Variants in MCC observed in about 807,000 individuals in gnomAD.
The protein encoded by MCC is MCC regulator of Wnt signaling pathway.
A neutral mutation model predicts 116.2 loss-of-function variants in MCC; 90 were observed. The ratio of observed to expected loss-of-function variants is 0.77; its 90% confidence interval spans 0.65 to 0.92. The LOEUF is 0.92. MCC is among the 40% of genes least tolerant of loss of function. MCC has a pLI of 0.00. For synonymous variants in MCC, 578 were observed against 510.5 expected (o/e 1.13, Z -1.78); for missense variants, 1,516 against 1,312.2 (o/e 1.16, Z -2.40).
intron 11 of MCC, among the ~76,000 whole-genome samples, chr5:113,077,967 G>A (rs906490899): frequency 6.6e-6 from 1 of 152,090 alleles, no homozygotes; most frequent in African/African-American, 2.4e-5. Context: ...AAATAATAAA[G>A]GGGATATCAC....
chr5:113,440,560 G>T (rs1036976282), intron 1 of MCC, among the ~76,000 whole-genome samples: 9 of 150,206 alleles, frequency 6.0e-5, no homozygotes, highest in Non-Finnish European at 1.3e-4. Flanking sequence ...TTAAAGAAAA[G>T]AAAAAAATAA....
chr5:113,256,126 AGGT>A (rs1419323521), intron 3 of MCC, among the ~76,000 whole-genome samples: 9 of 152,222 alleles, frequency 5.9e-5, no homozygotes, highest in Non-Finnish European at 1.2e-4. Context: ...TCCAAATGGA[AGGT>A]TCTAATTCAG....
chr5:113,132,443 TACACACACACACACACACACAC>T (rs140363649), intron 5 of MCC, among the ~76,000 whole-genome samples: 36 of 36,540 alleles, frequency 9.9e-4, no homozygotes, highest in East Asian at 3.0e-3. Flanking sequence ...TATATATATA[TACACACACACACACACACACAC>T]ACACACACAC....
chr5:113,057,628 G>A (rs751614065), intron 14 of MCC, among the ~76,000 whole-genome samples: 2 of 152,220 alleles, frequency 1.3e-5, no homozygotes, highest in African/African-American at 2.4e-5. Context: ...GGGCACTGAG[G>A]ACCCCGGCTG....
intron 5 of MCC, among the ~76,000 whole-genome samples, chr5:113,136,393 G>C (rs1428003657): frequency 6.6e-6 from 1 of 152,182 alleles, no homozygotes; most frequent in Non-Finnish European, 1.5e-5. Flanking sequence ...ATGGGTGCAA[G>C]ACATCTTCTG....
intron 14 of MCC, among the ~76,000 whole-genome samples, chr5:113,059,202 A>G (rs1427216659): frequency 6.6e-6 from 1 of 152,134 alleles, no homozygotes; most frequent in Non-Finnish European, 1.5e-5. Context: ...TTGGAAGCAC[A>G]GAGCTTTAAA....
At chr5:113,308,550 T>C (rs10478118) in intron 3 of MCC, among the ~76,000 whole-genome samples, 9,146 of 152,244 alleles carry the variant, frequency 0.06, 307 homozygotes, top group African/African-American at 0.089. Flanking sequence ...GGGCTAGGCA[T>C]GGTGGCTCAT....
intron 8 of MCC, 35 bp from the exon 9 acceptor site, chr5:113,085,345 T>C (rs760097148): frequency 1.3e-6 from 2 of 1,571,430 alleles, no homozygotes; most frequent in Admixed American, 1.8e-5. Flanking sequence ...TAGTTGGTGG[T>C]TTCCCTGGCT....
At chr5:113,242,846 C>T (rs2091803) in intron 3 of MCC, among the ~76,000 whole-genome samples, 43,147 of 151,976 alleles carry the variant, frequency 0.28, 8,644 homozygotes, top group African/African-American at 0.56. Context: ...AAAGCAAAGC[C>T]GTGACTTTAC....
At chr5:113,385,998 GAAC>G (rs1275590800) in intron 1 of MCC, among the ~76,000 whole-genome samples, 2 of 152,092 alleles carry the variant, frequency 1.3e-5, no homozygotes, top group African/African-American at 4.8e-5. Flanking sequence ...AGAATAACAA[GAAC>G]AATAACCCTA....
chr5:113,226,797 G>A (rs1249871521), intron 3 of MCC, among the ~76,000 whole-genome samples: 1 of 152,092 alleles, frequency 6.6e-6, no homozygotes, highest in East Asian at 1.9e-4. Flanking sequence ...TTTTATCTGT[G>A]GTATTATTTA....
Position 113,027,426 on chromosome 5 carries a change from T to C in MCC, c.2936A>G (p.Lys979Arg). 1 of 1,614,216 alleles carries C rather than the reference T, an allele frequency of 6.2e-7. No homozygotes were observed. The highest frequency in any genetic ancestry group is 2.2e-5 in the East Asian group (1 of 44,892). Residue 979 changes from lysine to arginine, a missense_variant, in exon 19 of 19, where the codon AAG (lysine) becomes AGG (arginine). Lys to Arg is a conservative substitution (Grantham distance 26, BLOSUM62 2). Transcript: ENST00000408903. ...AKKKHQNKLK[K>R]LESQMMAMVE... ...CATGGCCATCATCTGCGACTCTAAC[T>C]TCTTCAGTTTGTTTTGATGCTTTTT...
At chr5:113,299,292 CAAAAAAAAAAAAAA>C (rs58372049) in intron 3 of MCC, among the ~76,000 whole-genome samples, 2 of 52,058 alleles carry the variant, frequency 3.8e-5, no homozygotes, top group African/African-American at 1.1e-4. Flanking sequence ...GACTCCGTCT[CAAAAAAAAAAAAAA>C]AAAAAAAAAA....
intron 11 of MCC, among the ~76,000 whole-genome samples, chr5:113,081,129 G>C (rs545182471): frequency 1.3e-5 from 2 of 152,284 alleles, no homozygotes; most frequent in East Asian, 3.9e-4. Context: ...GAGAGTAATA[G>C]GCCTCCAACT....
chr5:113,471,512 G>A (rs535491751), intron 1 of MCC, among the ~76,000 whole-genome samples: 141 of 152,210 alleles, frequency 9.3e-4, no homozygotes, highest in African/African-American at 3.2e-3. Flanking sequence ...AGATGCTGCT[G>A]CCTGATCGTT....
chr5:113,295,230 A>G (rs997440005), intron 3 of MCC, among the ~76,000 whole-genome samples: 1 of 152,136 alleles, frequency 6.6e-6, no homozygotes, highest in African/African-American at 2.4e-5. Context: ...GCCGCTTTCC[A>G]TGATTTAATA....
In MCC at chr5:113,053,735, A is replaced by G. The variant is rs753211876; in HGVS notation, c.2438T>C (p.Met813Thr). 1.2e-6 allele frequency: 2 copies of G among 1,606,790 alleles called. No individual in the cohort carries two copies. Among genetic ancestry groups the G allele is most frequent in the East Asian group, 4.5e-5 (2 of 44,620 alleles). ...CCACCCACCACATACCTTCATGGCCATGAGCTCCTGCATAAGCACTGCGTT... is the reference window on the plus strand; with the variant it reads ...CCACCCACCACATACCTTCATGGCCGTGAGCTCCTGCATAAGCACTGCGTT... The part of the protein sequence containing the change: ...LENAVLMQEL[M>T]AMKEEMAELK... Residue 813 changes from methionine to threonine, a missense_variant, in exon 15 of 19, where the codon ATG (methionine) becomes ACG (threonine). By Grantham distance (81) the Met-to-Thr change is moderately conservative. Coordinates refer to ENST00000408903, the MANE Select transcript of MCC (RefSeq NM_001085377.2).
At position 113,071,197 on chromosome 5, in the gene MCC, T is replaced by G. The variant is rs749774445; in HGVS notation, c.1822A>C (p.Thr608Pro). The part of the protein sequence containing the change: ...EHLKSQNDLL[T>P]ITLEECKSNA... ...CTTTTACATTCCTCCAAGGTTATGG[T>G]CAGGAGGTCATTTTGGGATTTGAGG... The change falls in exon 12 of 19, where the codon ACC (threonine) becomes CCC (proline). Residue 608 changes from threonine (T) to proline (P), a missense_variant. Thr to Pro is a conservative substitution (Grantham distance 38). Transcript: ENST00000408903. The G allele has an allele frequency of 1.2e-6, 2 of 1,614,038 alleles. No individual in the cohort carries two copies. The highest frequency in any genetic ancestry group is 1.7e-6 in the Non-Finnish European group (2 of 1,180,026).
intron 12 of MCC, among the ~76,000 whole-genome samples, chr5:113,068,732 G>A (rs1019484457): frequency 6.6e-6 from 1 of 152,230 alleles, no homozygotes; most frequent in Non-Finnish European, 1.5e-5. Flanking sequence ...CCTATGGAGA[G>A]GTCCACATGG....
Sources: gnomAD v4.1 joint callset for allele counts (sites outside exome capture counted in the v4.1 genomes callset) on GRCh38, gnomAD v4.1.1 for gene constraint, MANE v1.5 for transcripts, NCBI Gene and HGNC (gene_info 2026-07-23, HGNC 2026-07-21) for gene names.